The following TTC28 variants were observed in gnomAD, a reference collection of about 807,000 sequenced individuals.
TTC28 encodes tetratricopeptide repeat protein 28.
A neutral mutation model predicts 198.0 loss-of-function variants in TTC28; 61 were observed. The observed-to-expected ratio is 0.31, with a 90% CI of 0.25 to 0.38. The LOEUF is 0.38. TTC28 is among the 10% of genes least tolerant of loss of function. The pLI is 1.00. For synonymous variants in TTC28, 1,171 were observed against 1,297.8 expected, an observed-to-expected ratio of 0.90 and a Z score of 2.10; for missense variants, 2,678 against 3,164.0, an observed-to-expected ratio of 0.85 and a Z score of 3.69.
At chr22:28,219,495 G>A (rs1007709666) in intron 5 of TTC28, among the ~76,000 whole-genome samples, 1 of 151,026 alleles carries the variant, frequency 6.6e-6, no homozygotes, top group African/African-American at 2.4e-5. Flanking sequence ...GTGACAGAGG[G>A]AGACTTTGTT....
intron 2 of TTC28, among the ~76,000 whole-genome samples, chr22:28,589,147 T>C (rs948834766): frequency 6.6e-6 from 1 of 152,190 alleles, no homozygotes; most frequent in African/African-American, 2.4e-5. Context: ...ATTCTAAAGA[T>C]AGAACTACCA....
At chr22:28,528,325 G>A (rs2049050543) in intron 2 of TTC28, among the ~76,000 whole-genome samples, 1 of 152,104 alleles carries the variant, frequency 6.6e-6, no homozygotes, top group Non-Finnish European at 1.5e-5. Flanking sequence ...AAACAATACT[G>A]TTGCAAAGTT....
At chr22:28,052,526 C>A (rs1475318919) in intron 12 of TTC28, among the ~76,000 whole-genome samples, 2 of 152,034 alleles carry the variant, frequency 1.3e-5, no homozygotes, top group Non-Finnish European at 2.9e-5. Flanking sequence ...TCTAACAGCC[C>A]TATTGTATAG....
intron 3 of TTC28, among the ~76,000 whole-genome samples, chr22:28,300,640 G>A (rs542451842): frequency 1.3e-5 from 2 of 152,124 alleles, no homozygotes; most frequent in African/African-American, 4.8e-5. Flanking sequence ...GAAAAGGGAG[G>A]GATTATCAAG....
intron 2 of TTC28, among the ~76,000 whole-genome samples, chr22:28,591,575 A>G (rs1434119786): frequency 6.6e-6 from 1 of 152,130 alleles, no homozygotes; most frequent in African/African-American, 2.4e-5. Context: ...CTTTTTAAAA[A>G]TTTTTTGAAA....
Position 28,048,034 on chromosome 22 carries a change from C to T in TTC28, c.3933-17668G>A, listed in dbSNP as rs373319236. Reference sequence around the variant, plus strand: ...AGGCCCTGCACTCAGAGCCACCATCCTGTGCAATAGGACTCTGGGGCACGT... The same window carrying T: ...AGGCCCTGCACTCAGAGCCACCATCTTGTGCAATAGGACTCTGGGGCACGT... On this transcript the variant is annotated intron_variant, in intron 12 of 22. Transcript: ENST00000397906. Among the ~76,000 whole-genome samples, 13 of 152,190 alleles carry T rather than the reference C, an allele frequency of 8.5e-5. No homozygotes were observed. The East Asian group carries it at 1.9e-3, about 23-fold the overall frequency.
At chr22:28,246,555 C>T (rs1236729704) in intron 5 of TTC28, among the ~76,000 whole-genome samples, 1 of 152,128 alleles carries the variant, frequency 6.6e-6, no homozygotes, top group Non-Finnish European at 1.5e-5. Flanking sequence ...CCTAGCATAG[C>T]TGCATGTGGT....
At chr22:28,604,466 G>A (rs1457361187) in intron 2 of TTC28, among the ~76,000 whole-genome samples, 7 of 151,522 alleles carry the variant, frequency 4.6e-5, no homozygotes, top group East Asian at 3.9e-4. Context: ...AATGCTGGCC[G>A]GGCACAGTGG....
chr22:28,510,713 A>C (rs1422876505), intron 2 of TTC28, among the ~76,000 whole-genome samples: 3 of 152,160 alleles, frequency 2.0e-5, no homozygotes, highest in Non-Finnish European at 4.4e-5. Context: ...AAGAAGTCAA[A>C]TTATCTTCGT....
At chr22:28,402,449 C>T (rs1447271394) in intron 2 of TTC28, among the ~76,000 whole-genome samples, 2 of 152,214 alleles carry the variant, frequency 1.3e-5, no homozygotes. Context: ...AGTTAAGTAA[C>T]TCACTTCTTA....
At chr22:28,109,816 T>C (rs1601326563) in intron 6 of TTC28, among the ~76,000 whole-genome samples, 1 of 152,322 alleles carries the variant, frequency 6.6e-6, no homozygotes, top group East Asian at 1.9e-4. Flanking sequence ...TGCATCAGTC[T>C]GTGAGCTTTC....
At chr22:28,398,190 G>T in intron 2 of TTC28, among the ~76,000 whole-genome samples, 1 of 152,296 alleles carries the variant, frequency 6.6e-6, no homozygotes, top group East Asian at 1.9e-4. Context: ...GTCATCCTGA[G>T]AACTATGGAG....
intron 2 of TTC28, among the ~76,000 whole-genome samples, chr22:28,464,831 C>T (rs2047996931): frequency 6.6e-6 from 1 of 152,192 alleles, no homozygotes; most frequent in Admixed American, 6.5e-5. Context: ...TCTAACTGAA[C>T]TGCAGCATTC....
intron 2 of TTC28, among the ~76,000 whole-genome samples, chr22:28,537,297 A>AACTAAAC (rs1569008972): frequency 1.0e-5 from 1 of 98,172 alleles, no homozygotes; most frequent in East Asian, 2.2e-4. Context: ...CGTCTCAAAA[A>AACTAAAC]TAAAATAAAA....
chr22:28,506,788 G>A (rs1457393895), intron 2 of TTC28, among the ~76,000 whole-genome samples: 1 of 152,216 alleles, frequency 6.6e-6, no homozygotes, highest in Non-Finnish European at 1.5e-5. Flanking sequence ...ACTAGGGTCT[G>A]GAGCAGACCC....
At chr22:28,654,781 TA>T (rs2051618348) in intron 1 of TTC28, among the ~76,000 whole-genome samples, 1 of 152,220 alleles carries the variant, frequency 6.6e-6, no homozygotes, top group Admixed American at 6.5e-5. Flanking sequence ...AATGTTTCCT[TA>T]ATGTTTCCTT....
Position 28,598,067 on chromosome 22 carries a change from C to T in TTC28, c.381+31485G>A, listed in dbSNP as rs2050571135. 2.0e-5 allele frequency among the ~76,000 whole-genome samples: 3 copies of T among 152,140 alleles called. No individual in the cohort carries two copies. The South Asian group carries it at 6.2e-4, about 32-fold the overall frequency. Reference sequence around the variant, plus strand: ...ATATTTTACAAGGAACTTCCACATACACAAATTCATTTAGGCAAGTCACAA... The same window carrying T: ...ATATTTTACAAGGAACTTCCACATATACAAATTCATTTAGGCAAGTCACAA... On this transcript the variant is annotated intron_variant, in intron 2 of 22. Coordinates refer to ENST00000397906, the MANE Select transcript of TTC28 (RefSeq NM_001145418.2).
chr22:28,528,645 A>G (rs1305517580), intron 2 of TTC28, among the ~76,000 whole-genome samples: 2 of 151,034 alleles, frequency 1.3e-5, no homozygotes, highest in African/African-American at 4.9e-5. Context: ...CCAAGGCACG[A>G]GAACTGCTTG....
chr22:28,568,383 G>T (rs1414954675), intron 2 of TTC28, among the ~76,000 whole-genome samples: 1 of 152,090 alleles, frequency 6.6e-6, no homozygotes, highest in African/African-American at 2.4e-5. Flanking sequence ...ACAAGAGAAA[G>T]AAATAAAAGA....
Sources: allele counts gnomAD v4.1 joint callset (sites outside exome capture counted in the v4.1 genomes callset), GRCh38; gene constraint gnomAD v4.1.1; transcripts MANE v1.5; gene names NCBI Gene and HGNC (gene_info 2026-07-23, HGNC 2026-07-21).